Variants in DDX21 observed in about 807,000 individuals in gnomAD.
The protein encoded by DDX21 is DExD-box helicase 21.
Under a neutral mutation model 90.0 loss-of-function variants are expected in DDX21, and 18 were observed. The ratio of observed to expected loss-of-function variants is 0.20; its 90% CI spans 0.14 to 0.30. The LOEUF is 0.30. Ranked by LOEUF, DDX21 falls within the 10% of genes least tolerant of loss-of-function variation. DDX21 has a pLI of 1.00. For synonymous variants in DDX21, 294 were observed against 318.0 expected (o/e 0.92, Z 0.80); for missense variants, 673 against 944.5 (o/e 0.71, Z 3.77).
intron 6 of DDX21, 80 bp from the exon 7 acceptor site, chr10:68,968,896 G>A: frequency 6.7e-7 from 1 of 1,492,342 alleles, no homozygotes; most frequent in Non-Finnish European, 9.1e-7. Context: ...GATGGACTGT[G>A]GAAGTATTAG....
intron 7 of DDX21, among the ~76,000 whole-genome samples, chr10:68,969,961 C>T (rs1842999006): frequency 6.6e-6 from 1 of 152,150 alleles, no homozygotes; most frequent in South Asian, 2.1e-4. Context: ...AAGTTAGATG[C>T]TCTTTAGAGA....
chr10:68,974,774 T>G, intron 11 of DDX21, 31 bp downstream of exon 11: 1 of 1,579,148 alleles, frequency 6.3e-7, no homozygotes. Context: ...ATGGTCTGTT[T>G]TAGTGTTGGT....
At position 68,979,253 on chromosome 10, in the gene DDX21, C is replaced by CT. The variant is rs201806560; in HGVS notation, c.2037+286dup. Among the ~76,000 whole-genome samples the CT allele has an allele frequency of 1.4e-4, 21 of 151,836 alleles. No homozygotes were observed. In the South Asian group the frequency reaches 2.7e-3, roughly 20 times the overall value. ...TTATTTAAAGTAACTTTTTCAGAAT[C>CT]TTTTTTTTTCTTAGCAATGCTATTC... is the stretch of plus-strand genomic sequence containing the variant. On this transcript the variant is annotated intron_variant, in intron 13 of 14. Transcript: ENST00000354185.
At position 68,963,500 on chromosome 10, in the gene DDX21, C is replaced by T. The variant is rs1013639192; in HGVS notation, c.786+31C>T. The T allele has an allele frequency of 4.4e-6, 7 of 1,576,594 alleles. No individual in the cohort carries two copies. In the East Asian group the frequency reaches 9.0e-5, roughly 20 times the overall value. ...TGTCTTAAATACAAGGGCTCTCAGT[C>T]AGCATAGGAAAAACCACCACTTGGG... On this transcript the variant is annotated intron_variant, in intron 4 of 14. Coordinates refer to ENST00000354185, the MANE Select transcript of DDX21 (RefSeq NM_004728.4).
intron 1 of DDX21, chr10:68,956,631 G>C: frequency 8.4e-7 from 1 of 1,194,608 alleles, no homozygotes; most frequent in East Asian, 4.7e-5. Context: ...GGTCCCCGGC[G>C]ACTTGGGCGC....
chr10:68,976,160 G>A (rs1166381398), intron 11 of DDX21, among the ~76,000 whole-genome samples: 3 of 151,926 alleles, frequency 2.0e-5, no homozygotes, highest in African/African-American at 7.2e-5. Flanking sequence ...CCAGGAGGTT[G>A]AGGCTGCAGT....
At chr10:68,970,955 A>ATTTTTTTTTTTTTT in intron 8 of DDX21, among the ~76,000 whole-genome samples, 1 of 72,520 alleles carries the variant, frequency 1.4e-5, no homozygotes, top group Non-Finnish European at 2.5e-5. Flanking sequence ...GCCCAGCCTA[A>ATTTTTTTTTTTTTT]TTTTTTTTTT....
In DDX21 at chr10:68,959,960, A is replaced by G; in HGVS notation, c.242A>G (p.Glu81Gly). The change falls in exon 2 of 15, where the codon GAG becomes GGG. Residue 81 changes from glutamate (E) to glycine (G), a missense_variant. Physicochemically the swap from Glu to Gly is moderately conservative, Grantham distance 98. Coordinates refer to ENST00000354185, the MANE Select transcript of DDX21 (RefSeq NM_004728.4). Reference sequence around the variant, plus strand: ...AAATCCAAAAAGGCAAAAAAGAAAGAGGAGCCATCTCAAAATGACATTTCT... The same window carrying G: ...AAATCCAAAAAGGCAAAAAAGAAAGGGGAGCCATCTCAAAATGACATTTCT... Reference protein sequence around the residue: ...SPKSKKAKKKEEPSQNDISPK... With the variant: ...SPKSKKAKKKGEPSQNDISPK... The G allele has an allele frequency of 6.2e-7, 1 of 1,610,982 alleles. No homozygotes were observed.
chr10:68,980,106 G>A (rs928138754), intron 13 of DDX21, among the ~76,000 whole-genome samples: 1 of 152,170 alleles, frequency 6.6e-6, no homozygotes, highest in African/African-American at 2.4e-5. Context: ...CGAGGATAAT[G>A]GCGCATGCCT....
intron 4 of DDX21, chr10:68,964,121 G>T (rs201422558): frequency 7.2e-5 from 23 of 320,580 alleles, no homozygotes; most frequent in Non-Finnish European, 1.2e-4. Flanking sequence ...AAAAAAAAAA[G>T]AAAAGCATGA....
At chr10:68,972,891 A>C (rs1843046711) in intron 9 of DDX21, among the ~76,000 whole-genome samples, 1 of 152,180 alleles carries the variant, frequency 6.6e-6, no homozygotes. Context: ...AAATGATAAG[A>C]CTTGGATATT....
chr10:68,985,067 G>T lies in DDX21; in HGVS notation c.*2255G>T, dbSNP rs910026133. 2 of 151,924 alleles carry T rather than the reference G, an allele frequency of 1.3e-5. No individual in the cohort carries two copies. The highest frequency in any genetic ancestry group is 4.8e-5 in the African/African-American group (2 of 41,374). The allele number at this position is 151,924 out of a possible 1,614,324, so 9.4% of individuals were successfully genotyped here. A position where few individuals can be genotyped will look rare whatever the true frequency, so the allele number is the denominator to read the frequency against. ...TACCATAATAAAGATAGTAATACTT[G>T]ATTTTAGTGGCTTTTGTTTTCTAAA... is the stretch of plus-strand genomic sequence containing the variant. On this transcript the variant is annotated 3_prime_UTR_variant, in exon 15 of 15. Transcript: ENST00000354185.
intron 8 of DDX21, 113 bp downstream of exon 8, chr10:68,970,463 GT>G: frequency 4.5e-6 from 4 of 894,530 alleles, no homozygotes; most frequent in Non-Finnish European, 6.3e-6. Flanking sequence ...GTTTAGTTTA[GT>G]TTAGAAATGA....
intron 1 of DDX21, among the ~76,000 whole-genome samples, chr10:68,958,099 A>C (rs1465597420): frequency 6.6e-6 from 1 of 152,048 alleles, no homozygotes; most frequent in Non-Finnish European, 1.5e-5. Flanking sequence ...TTTTTGTTTC[A>C]TAAAGTGTCT....
chr10:68,970,955 ATTTTTTTTTTTTTT>A (rs56314802), intron 8 of DDX21, among the ~76,000 whole-genome samples: 4 of 72,554 alleles, frequency 5.5e-5, no homozygotes, highest in African/African-American at 5.0e-5. Flanking sequence ...GCCCAGCCTA[ATTTTTTTTTTTTTT>A]TTTTTTTTTT....
In DDX21 at chr10:68,978,930, A is replaced by G. The variant is rs1843147153; in HGVS notation, c.1991A>G (p.Glu664Gly). Residue 664 changes from glutamate (E) to glycine (G), a missense_variant, in exon 13 of 15, where the codon GAG becomes GGG. Around this residue, in one of 4 missense-constraint regions of DDX21, gnomAD observed 225 missense variants for 298.8 expected, o/e 0.75. Transcript: ENST00000354185. ...WKELKEQLGE[E>G]IDSKVKGMVF... ...GAACTTAAAGAGCAGCTGGGCGAGG[A>G]GATTGATTCCAAAGTGAAGGGAATG... 6.2e-7 allele frequency: 1 copy of G among 1,614,184 alleles called. No individual in the cohort carries two copies. Among genetic ancestry groups the G allele is most frequent in the Non-Finnish European group, 8.5e-7 (1 of 1,180,028 alleles).
chr10:68,979,478 T>A (rs998129830), intron 13 of DDX21, among the ~76,000 whole-genome samples: 6 of 152,202 alleles, frequency 3.9e-5, no homozygotes, highest in Non-Finnish European at 8.8e-5. Flanking sequence ...GGGTTATATC[T>A]ATTGATACTT....
intron 13 of DDX21, 77 bp downstream of exon 13, chr10:68,979,053 G>C: frequency 1.1e-5 from 17 of 1,568,806 alleles, no homozygotes; most frequent in Non-Finnish European, 1.5e-5. Context: ...GGTTCTTCCT[G>C]TTCTGTGGGG....
chr10:68,970,220 A>T lies in DDX21; in HGVS notation c.1256A>T (p.His419Leu). ...CATAAGCATCTGGCTATTAAGTGCC[A>T]CTGGACTCAGAGGGCAGCAGTTATT... Reference protein sequence around the residue: ...ITVEHLAIKCHWTQRAAVIGD... With the variant: ...ITVEHLAIKCLWTQRAAVIGD... The change falls in exon 8 of 15, where the codon CAC becomes CTC. Residue 419 changes from histidine (H) to leucine (L), a missense_variant. Transcript: ENST00000354185. 6.2e-7 allele frequency: 1 copy of T among 1,611,630 alleles called. No individual in the cohort carries two copies. The highest frequency in any genetic ancestry group is 8.5e-7 in the Non-Finnish European group (1 of 1,179,190).
Sources: gnomAD v4.1 joint callset for allele counts (sites outside exome capture counted in the v4.1 genomes callset) on GRCh38, gnomAD v4.1.1 for gene constraint, gnomAD v4.1.1 regional missense constraint, MANE v1.5 for transcripts, NCBI Gene and HGNC (gene_info 2026-07-23, HGNC 2026-07-21) for gene names.